The following CCP110 variants were observed in gnomAD, a reference collection of about 807,000 sequenced individuals.
CCP110 encodes the protein centriolar coiled-coil protein 110.
In CCP110, 43 loss-of-function variants were observed where a neutral mutation model predicts 105.5. That is an observed-to-expected ratio of 0.41 (90% CI 0.32 to 0.53). The LOEUF (loss-of-function observed/expected upper bound fraction) is 0.53, where lower values mean the gene tolerates loss of function less well. Ranked by LOEUF, CCP110 falls within the 20% of genes least tolerant of loss-of-function variation. The probability of loss-of-function intolerance (pLI) is 0.32; values close to 1 mark genes in which losing one functional copy is unlikely to be tolerated. For synonymous variants in CCP110, 353 were observed against 392.1 expected (o/e 0.90, Z 1.18); for missense variants, 1,016 against 1,189.1 (o/e 0.85, Z 2.14).
intron 1 of CCP110, 106 bp from the exon 2 acceptor site, chr16:19,527,761 T>C (rs1700239799): frequency 3.8e-6 from 3 of 790,884 alleles, no homozygotes; most frequent in Non-Finnish European, 3.8e-6. Context: ...GGACCAGTTA[T>C]AGGAATTGTG....
chr16:19,549,632 G>A (rs1186293269), intron 14 of CCP110, among the ~76,000 whole-genome samples: 1 of 152,208 alleles, frequency 6.6e-6, no homozygotes, highest in East Asian at 1.9e-4. Context: ...TTACTCCAGA[G>A]GCAGTCAGAA....
rs1007062547 is a variant in CCP110 at position 19,548,975 on chromosome 16, A to G, written c.2986+375A>G. Among the ~76,000 whole-genome samples the G allele has an allele frequency of 6.6e-6, 1 of 152,204 alleles. No homozygotes were observed. The highest frequency in any genetic ancestry group is 1.5e-5 in the Non-Finnish European group (1 of 68,038). ...TCAGCTTGGGGAAGTGTATCTGCAC[A>G]TAAGGGGATAAACTTTCTCCCTCAG... On this transcript the variant is annotated intron_variant, in intron 14 of 14. Transcript: ENST00000381396. This position sits in a 1 kb window ranked among gnomAD's most constrained non-coding sequence, Gnocchi z 4.1.
intron 2 of CCP110, among the ~76,000 whole-genome samples, chr16:19,531,965 C>CA (rs35419402): frequency 0.25 from 19,627 of 79,508 alleles, 1,465 homozygotes; most frequent in Middle Eastern, 0.34. Flanking sequence ...GACTCCATCT[C>CA]AAAAAAAAAA....
intron 2 of CCP110, among the ~76,000 whole-genome samples, chr16:19,531,273 T>A (rs577048361): frequency 1.3e-5 from 2 of 152,352 alleles, no homozygotes; most frequent in South Asian, 4.1e-4. Context: ...CAAAATGTGA[T>A]GTTTATGGAC....
chr16:19,551,472 T>C, exon 15 of CCP110: 1 of 574,912 alleles, frequency 1.7e-6, no homozygotes, highest in Non-Finnish European at 3.1e-6. Flanking sequence ...TGTTTAGTAA[T>C]TGCATCATCT....
At chr16:19,533,833 T>A (rs1969958973) in intron 3 of CCP110, among the ~76,000 whole-genome samples, 1 of 152,216 alleles carries the variant, frequency 6.6e-6, no homozygotes, top group African/African-American at 2.4e-5. Context: ...GGTGGCCTTC[T>A]ATTTTGCAGC....
chr16:19,542,642 A>G (rs533898354), exon 7 of CCP110: 2 of 1,612,330 alleles, frequency 1.2e-6, no homozygotes, highest in Non-Finnish European at 1.7e-6. Flanking sequence ...TCTGCCATGC[A>G]ATATAGCTTT....
At chr16:19,536,181 C>G in exon 4 of CCP110, 2 of 1,613,814 alleles carry the variant, frequency 1.2e-6, no homozygotes, top group Non-Finnish European at 1.7e-6. Context: ...TTTAATTCTC[C>G]GAAGCAATGT....
chr16:19,525,808 G>A (rs539136771), intron 1 of CCP110: 1 of 152,718 alleles, frequency 6.5e-6, no homozygotes, highest in Admixed American at 6.5e-5. Context: ...TTACATTTTG[G>A]TGGAGGAAGA....
In CCP110 at chr16:19,548,574, G is replaced by A. The variant is rs1315577702; in HGVS notation, c.2960G>A (p.Arg987Lys). 21 of 1,549,662 alleles carry A rather than the reference G, an allele frequency of 1.4e-5. No homozygotes were observed. The highest frequency in any genetic ancestry group is 1.7e-5 in the Non-Finnish European group (19 of 1,146,290). The change falls in exon 14 of 15, where the codon AGA becomes AAA. Residue 987 changes from arginine to lysine, a missense_variant. Transcript: ENST00000381396. The surrounding 1 kb of genome is among the most constrained non-coding windows in gnomAD (Gnocchi z 4.1). Reference sequence around the variant, plus strand: ...AATAGACAGAAGCCTTCACAGAGCAGAGTGCCTAACAGAGTGCCTGTTTCA... The same window carrying A: ...AATAGACAGAAGCCTTCACAGAGCAAAGTGCCTAACAGAGTGCCTGTTTCA...
At chr16:19,543,568 C>T (rs149885426) in intron 8 of CCP110, among the ~76,000 whole-genome samples, 2 of 152,212 alleles carry the variant, frequency 1.3e-5, no homozygotes, top group African/African-American at 4.8e-5. Context: ...CCTGCGAGGT[C>T]GGGCAAAATA....
exon 6 of CCP110, chr16:19,541,947 G>A: frequency 6.2e-7 from 1 of 1,610,062 alleles, no homozygotes; most frequent in Non-Finnish European, 8.5e-7. Flanking sequence ...GGAAGCCTCT[G>A]AGTTGGACAT....
exon 15 of CCP110, chr16:19,553,237 G>A (rs1023831014): frequency 1.3e-5 from 2 of 152,070 alleles, no homozygotes; most frequent in Non-Finnish European, 2.9e-5. Flanking sequence ...TCTCATACAG[G>A]TGCCAGACAC....
rs555141039 is a variant in CCP110 at position 19,545,835 on chromosome 16, C to T, written c.2722C>T (p.Arg908Ter). 21 of 1,605,882 alleles carry T rather than the reference C, an allele frequency of 1.3e-5. No homozygotes were observed. The highest frequency in any genetic ancestry group is 4.5e-5 in the East Asian group (2 of 44,682). The change falls in exon 11 of 15, where the codon CGA (arginine) becomes TGA (stop). Residue 908 changes from arginine (R) to a stop codon, truncating the protein, a stop_gained. Coordinates refer to ENST00000381396, the Ensembl canonical transcript of CCP110. LOFTEE classifies it high-confidence loss of function. ...ATTAAAGGATAAAATGAAAAGTCCA[C>T]GAGTGGCTCTTTCAGCTGCAACACA... is the stretch of plus-strand genomic sequence containing the variant.
chr16:19,550,156 C>CTTTT (rs71375648), intron 14 of CCP110, among the ~76,000 whole-genome samples: 2 of 144,886 alleles, frequency 1.4e-5, no homozygotes, highest in Non-Finnish European at 3.0e-5. Context: ...TAATTGTGTT[C>CTTTT]TTTTTTTTTT....
chr16:19,551,324 T>A, exon 15 of CCP110: 1 of 1,188,266 alleles, frequency 8.4e-7, no homozygotes, highest in Non-Finnish European at 1.3e-6. Flanking sequence ...AGACTTTATT[T>A]AACCCTGGAC....
At chr16:19,535,496 T>G (rs1344099061) in intron 3 of CCP110, among the ~76,000 whole-genome samples, 1 of 152,196 alleles carries the variant, frequency 6.6e-6, no homozygotes, top group Non-Finnish European at 1.5e-5. Flanking sequence ...GTAAGACATT[T>G]CATTACTTGC....
intron 1 of CCP110, chr16:19,525,662 A>G (rs984769266): frequency 2.0e-5 from 3 of 152,172 alleles, no homozygotes; most frequent in African/African-American, 7.2e-5. Context: ...CTTCTGGTTT[A>G]CATTATTGTT....
chr16:19,545,918 G>A, intron 11 of CCP110, 28 bp downstream of exon 11: 1 of 1,259,306 alleles, frequency 7.9e-7, no homozygotes, highest in Non-Finnish European at 1.2e-6. Context: ...TGTCATGTTA[G>A]TTATCAAACC....
Sources: gnomAD v4.1 joint callset for allele counts (sites outside exome capture counted in the v4.1 genomes callset) on GRCh38, gnomAD v4.1.1 for gene constraint, Gnocchi (gnomAD v3.1) non-coding constraint, MANE v1.5 for transcripts, NCBI Gene and HGNC (gene_info 2026-07-23, HGNC 2026-07-21) for gene names.